RYR2: variants seen among roughly 807,000 people sequenced by gnomAD.
RYR2 encodes the protein cardiac muscle ryanodine receptor-calcium release channel.
RYR2 carries 227 observed loss-of-function variants against 601.1 expected under a neutral mutation model. That is an observed-to-expected ratio of 0.38 (90% CI 0.34 to 0.42). The LOEUF is 0.42. Among genes scored for constraint, RYR2 ranks in the 10% least tolerant of loss-of-function variants. The probability of loss-of-function intolerance (pLI) is 1.00; values close to 1 mark genes in which losing one functional copy is unlikely to be tolerated. For synonymous variants in RYR2, 2,223 were observed against 2,175.1 expected (o/e 1.02, Z -0.61); for missense variants, 4,646 against 6,156.5 (o/e 0.75, Z 8.21).
chr1:237,245,923 A>G (rs1032101208), intron 1 of RYR2, among the ~76,000 whole-genome samples: 2 of 151,816 alleles, frequency 1.3e-5, no homozygotes, highest in East Asian at 1.9e-4. Flanking sequence ...CTGGCATTAC[A>G]GGTTCCCACC....
chr1:237,434,109 C>G (rs962689710), intron 12 of RYR2, among the ~76,000 whole-genome samples: 1 of 152,050 alleles, frequency 6.6e-6, no homozygotes, highest in Non-Finnish European at 1.5e-5. Flanking sequence ...CTGAGCAGTC[C>G]CTTACCCCTA....
chr1:237,208,962 A>ATATATATATATATATATG (rs1682174869), intron 1 of RYR2, among the ~76,000 whole-genome samples: 1 of 103,924 alleles, frequency 9.6e-6, no homozygotes, highest in African/African-American at 3.2e-5. Flanking sequence ...ATATATATAT[A>ATATATATATATATATATG]TATATATATA....
At chr1:237,320,934 T>A (rs183988772) in intron 2 of RYR2, among the ~76,000 whole-genome samples, 84 of 151,476 alleles carry the variant, frequency 5.5e-4, no homozygotes, top group African/African-American at 1.8e-3. Flanking sequence ...TGTGTGTGAT[T>A]TTTTTAGAGC....
chr1:237,160,051 C>T (rs183148988), intron 1 of RYR2, among the ~76,000 whole-genome samples: 207 of 152,288 alleles, frequency 1.4e-3, no homozygotes, highest in African/African-American at 3.5e-3. Flanking sequence ...ATAGGAAATG[C>T]TCCTAGAATA....
intron 38 of RYR2, among the ~76,000 whole-genome samples, chr1:237,618,175 C>T (rs755780355): frequency 1.6e-4 from 24 of 151,912 alleles, no homozygotes; most frequent in Non-Finnish European, 3.2e-4. Flanking sequence ...TTTATAGGGA[C>T]TAATTACAGA....
intron 12 of RYR2, among the ~76,000 whole-genome samples, chr1:237,434,497 C>G (rs1558811287): frequency 1.3e-5 from 2 of 152,176 alleles, no homozygotes; most frequent in Non-Finnish European, 2.9e-5. Flanking sequence ...TTCACTTTCT[C>G]TATTCCTAGA....
rs546891764 is a variant in RYR2, at chr1:237,545,693, A to T, written c.2907-2738A>T. Among the ~76,000 whole-genome samples the T allele has an allele frequency of 3.9e-5, 6 of 151,996 alleles. No homozygotes were observed. The South Asian group carries it at 1.2e-3, about 32-fold the overall frequency. The stretch of plus-strand genomic sequence containing the variant: ...AACTGTTAAACTTGGAAATTAGACT[A>T]TGCTAGCTTGATTACCTGTTGGTGC... On this transcript the variant is annotated intron_variant, in intron 25 of 104. Transcript: ENST00000366574.
intron 98 of RYR2, among the ~76,000 whole-genome samples, chr1:237,803,436 G>C (rs1368123872): frequency 6.6e-6 from 1 of 152,116 alleles, no homozygotes; most frequent in Non-Finnish European, 1.5e-5. Flanking sequence ...GAGTAGCTGG[G>C]ACTACAGGCG....
chr1:237,159,184 G>A (rs537055478), intron 1 of RYR2, among the ~76,000 whole-genome samples: 4 of 152,162 alleles, frequency 2.6e-5, no homozygotes, highest in South Asian at 2.1e-4. Flanking sequence ...CCAGCTACTC[G>A]GGAGGCTGAG....
At chr1:237,460,899 C>T (rs534360399) in intron 16 of RYR2, among the ~76,000 whole-genome samples, 1 of 152,086 alleles carries the variant, frequency 6.6e-6, no homozygotes, top group Admixed American at 6.5e-5. Context: ...TATCATTATT[C>T]CCATTTCTTT....
chr1:237,279,173 A>G (rs920547222), intron 2 of RYR2, among the ~76,000 whole-genome samples: 1 of 152,218 alleles, frequency 6.6e-6, no homozygotes, highest in African/African-American at 2.4e-5. Context: ...AAAGCGGGCT[A>G]AATAAAACTG....
chr1:237,505,328 G>A (rs550309713), intron 22 of RYR2, among the ~76,000 whole-genome samples: 2 of 152,228 alleles, frequency 1.3e-5, no homozygotes, highest in Non-Finnish European at 2.9e-5. Flanking sequence ...AGTAGCTTCA[G>A]TGAGGTTGTT....
At chr1:237,465,399 C>T (rs531371161) in intron 16 of RYR2, among the ~76,000 whole-genome samples, 43 of 151,854 alleles carry the variant, frequency 2.8e-4, no homozygotes, top group African/African-American at 8.7e-4. Context: ...TATAAGAGTT[C>T]CTCTTGTTTT....
chr1:237,225,535 G>C (rs934999872), intron 1 of RYR2, among the ~76,000 whole-genome samples: 1 of 152,144 alleles, frequency 6.6e-6, no homozygotes. Context: ...CCATGATTCA[G>C]TTATGTGGGT....
chr1:237,072,220 C>A (rs560085594), intron 1 of RYR2, among the ~76,000 whole-genome samples: 414 of 152,346 alleles, frequency 2.7e-3, no homozygotes, highest in African/African-American at 9.6e-3. Context: ...GGTTGTGCCT[C>A]CCCCGCTGCA....
chr1:237,084,875 C>T (rs9428658), intron 1 of RYR2, among the ~76,000 whole-genome samples: 68,187 of 152,172 alleles, frequency 0.45, 16,649 homozygotes, highest in Admixed American at 0.56. Context: ...ATTGAAGGGC[C>T]GGGGCCGGCC....
chr1:237,442,619 T>G (rs1377467401), intron 13 of RYR2, among the ~76,000 whole-genome samples: 1 of 152,342 alleles, frequency 6.6e-6, no homozygotes, highest in South Asian at 2.1e-4. Context: ...ATTCATGCAC[T>G]TATTTATTTT....
intron 1 of RYR2, among the ~76,000 whole-genome samples, chr1:237,057,617 C>A (rs575275991): frequency 3.7e-4 from 56 of 152,198 alleles, no homozygotes; most frequent in African/African-American, 1.2e-3. Flanking sequence ...ATCTTTTCAC[C>A]CCATGTGCTG....
At chr1:237,194,349 C>T (rs988418499) in intron 1 of RYR2, among the ~76,000 whole-genome samples, 3 of 152,116 alleles carry the variant, frequency 2.0e-5, no homozygotes, top group Admixed American at 6.6e-5. Context: ...TTATTTATAA[C>T]CCCTTTGTTG....
Sources: allele counts gnomAD v4.1 joint callset (sites outside exome capture counted in the v4.1 genomes callset), GRCh38; gene constraint gnomAD v4.1.1; transcripts MANE v1.5; gene names NCBI Gene and HGNC (gene_info 2026-07-23, HGNC 2026-07-21).